GPR89B: variants seen among roughly 807,000 people sequenced by gnomAD.
GPR89B encodes the protein G protein-coupled receptor 89B.
A neutral mutation model predicts 52.4 loss-of-function variants in GPR89B; 25 were observed. The ratio of observed to expected loss-of-function variants is 0.48; its 90% confidence interval spans 0.35 to 0.67. GPR89B has a LOEUF of 0.67. Ranked by LOEUF, GPR89B falls within the 30% of genes least tolerant of loss-of-function variation. GPR89B has a pLI of 0.01. For missense variants in GPR89B, 146 were observed against 450.2 expected, an observed-to-expected ratio of 0.32 and a Z score of 6.11; for synonymous variants, 52 against 151.2, an observed-to-expected ratio of 0.34 and a Z score of 4.81.
chr1:148,013,434 C>G, the GPR89B span, among the ~76,000 whole-genome samples: 1 of 152,054 alleles, frequency 6.6e-6, no homozygotes, highest in Admixed American at 6.5e-5. Flanking sequence ...CCAAGACCCT[C>G]CGAAGGAGCA....
intron 12 of GPR89B, among the ~76,000 whole-genome samples, chr1:147,990,877 T>C: frequency 6.6e-6 from 1 of 151,606 alleles, no homozygotes; most frequent in East Asian, 1.9e-4. Context: ...TGAAGTCAGG[T>C]AGCGTGATGC....
intron 9 of GPR89B, 65 bp downstream of exon 9, chr1:147,969,028 T>C: frequency 1.5e-6 from 2 of 1,355,440 alleles, no homozygotes; most frequent in East Asian, 2.3e-5. Flanking sequence ...CAAGACTAAA[T>C]GGCTTTTTAG....
At chr1:147,939,828 T>G (rs1252547232) in intron 3 of GPR89B, among the ~76,000 whole-genome samples, 1 of 151,224 alleles carries the variant, frequency 6.6e-6, no homozygotes, top group Non-Finnish European at 1.5e-5. Flanking sequence ...TGAGACCCTG[T>G]CTCTACAAAA....
chr1:148,004,469 T>G, the GPR89B span, among the ~76,000 whole-genome samples: 13 of 142,320 alleles, frequency 9.1e-5, no homozygotes, highest in South Asian at 3.1e-3. Context: ...CCGGCCCCTA[T>G]CTCCACTTCT....
At chr1:148,014,785 C>G in the GPR89B span, 3 of 152,384 alleles carry the variant, frequency 2.0e-5, no homozygotes, top group Admixed American at 6.5e-5. Context: ...CGGTTCTGCC[C>G]GCCGCCTCTG....
rs1256528146 is a variant in GPR89B at position 147,972,527 on chromosome 1, C to T, written c.909+2568C>T. Among the ~76,000 whole-genome samples, 2 of 151,588 alleles carry T rather than the reference C, an allele frequency of 1.3e-5. 1 individual carries two copies. Among genetic ancestry groups the T allele is most frequent in the Non-Finnish European group, 2.9e-5 (2 of 67,982 alleles). Reference sequence around the variant, plus strand: ...CTAATATTAGACATTCTAATAGATACGAGGTGATATTGCATTGTGGTTTTA... The same window carrying T: ...CTAATATTAGACATTCTAATAGATATGAGGTGATATTGCATTGTGGTTTTA... On this transcript the variant is annotated intron_variant, in intron 10 of 13. Transcript: ENST00000314163.
At chr1:148,025,367 T>C in the GPR89B span, among the ~76,000 whole-genome samples, 3 of 151,354 alleles carry the variant, frequency 2.0e-5, no homozygotes, top group Non-Finnish European at 4.4e-5. Flanking sequence ...AGGTAAAGAA[T>C]CATAGGATTG....
At chr1:147,959,187 G>T (rs1411582092) in intron 7 of GPR89B, among the ~76,000 whole-genome samples, 1 of 152,080 alleles carries the variant, frequency 6.6e-6, no homozygotes, top group African/African-American at 2.4e-5. Context: ...ATGGGAGGAG[G>T]AAAGAGGCAT....
chr1:147,983,998 T>TA (rs1241976359), intron 10 of GPR89B, among the ~76,000 whole-genome samples: 1 of 151,028 alleles, frequency 6.6e-6, no homozygotes, highest in Non-Finnish European at 1.5e-5. Flanking sequence ...TATGCAGCCA[T>TA]AAAAAATGAT....
intron 10 of GPR89B, among the ~76,000 whole-genome samples, chr1:147,977,488 AT>A (rs1208056916): frequency 6.6e-6 from 1 of 151,746 alleles, no homozygotes; most frequent in African/African-American, 2.4e-5. Context: ...CTGAATTTGA[AT>A]GTTGGCCTGT....
At chr1:147,940,129 C>A (rs587599618) in intron 3 of GPR89B, among the ~76,000 whole-genome samples, 50 of 151,844 alleles carry the variant, frequency 3.3e-4, no homozygotes, top group African/African-American at 1.0e-3. Flanking sequence ...CTTGGCCGGG[C>A]GCGGTGGCTC....
chr1:147,949,907 G>T (rs1247294976), intron 5 of GPR89B, among the ~76,000 whole-genome samples: 3 of 133,518 alleles, frequency 2.2e-5, no homozygotes, highest in Admixed American at 7.0e-5. Context: ...CGGACGGGGC[G>T]GCTGGCCGGG....
intron 1 of GPR89B, among the ~76,000 whole-genome samples, chr1:147,935,806 C>G (rs1260253455): frequency 1.3e-5 from 2 of 152,152 alleles, no homozygotes; most frequent in African/African-American, 2.4e-5. Flanking sequence ...GCAATCATGG[C>G]TCACTGCAGC....
the GPR89B span, chr1:148,012,285 AGGG>A: frequency 2.2e-5 from 3 of 134,398 alleles, no homozygotes; most frequent in Non-Finnish European, 4.8e-5. Flanking sequence ...GGGGGTGGGG[AGGG>A]AGGGAGGAGT....
chr1:148,005,757 AC>A, the GPR89B span, among the ~76,000 whole-genome samples: 4 of 151,946 alleles, frequency 2.6e-5, no homozygotes, highest in Admixed American at 6.5e-5. Flanking sequence ...GAGCACATAT[AC>A]CCTTTCCCTA....
chr1:147,948,975 C>T (rs587753724), intron 5 of GPR89B, among the ~76,000 whole-genome samples: 8 of 151,976 alleles, frequency 5.3e-5, no homozygotes, highest in Admixed American at 3.9e-4. Context: ...AACGAGCATG[C>T]TGCCTTCAAG....
At chr1:147,968,164 C>T (rs1287287816) in intron 8 of GPR89B, 1 of 418,940 alleles carries the variant, frequency 2.4e-6, no homozygotes, top group Non-Finnish European at 4.7e-6. Context: ...TATTTAACCT[C>T]CCTGAGCCCC....
At chr1:147,939,929 G>GT (rs1654407353) in intron 3 of GPR89B, among the ~76,000 whole-genome samples, 1 of 151,702 alleles carries the variant, frequency 6.6e-6, no homozygotes, top group Non-Finnish European at 1.5e-5. Flanking sequence ...GAGCCCAGGA[G>GT]TTTGAGGATA....
At chr1:147,972,969 GT>G (rs1414961410) in intron 10 of GPR89B, among the ~76,000 whole-genome samples, 1 of 150,330 alleles carries the variant, frequency 6.7e-6, no homozygotes, top group Non-Finnish European at 1.5e-5. Flanking sequence ...CTCCATCCAT[GT>G]CCCTGCAAAG....
Sources: gnomAD v4.1 joint callset for allele counts (sites outside exome capture counted in the v4.1 genomes callset) on GRCh38, gnomAD v4.1.1 for gene constraint, MANE v1.5 for transcripts, NCBI Gene and HGNC (gene_info 2026-07-23, HGNC 2026-07-21) for gene names.